NBAS: variants seen among roughly 807,000 people sequenced by gnomAD.
NBAS encodes NBAS subunit of NRZ tethering complex.
In NBAS, 219 loss-of-function variants were observed where a neutral mutation model predicts 302.5. That is an observed-to-expected ratio of 0.72 (90% CI 0.65 to 0.81). NBAS has a LOEUF of 0.81. NBAS is among the 30% of genes least tolerant of loss of function. The pLI is 0.00. For synonymous variants in NBAS, 1,118 were observed against 1,021.6 expected, an observed-to-expected ratio of 1.09 and a Z score of -1.80; for missense variants, 2,932 against 2,841.6, an observed-to-expected ratio of 1.03 and a Z score of -0.72.
chr2:14,966,470 A>G, the NBAS span, among the ~76,000 whole-genome samples: 2 of 152,210 alleles, frequency 1.3e-5, no homozygotes, highest in Non-Finnish European at 2.9e-5. Context: ...CAAGTCCGTC[A>G]GTCCCCCAGT....
At chr2:15,237,833 G>T (rs1667671959) in intron 45 of NBAS, among the ~76,000 whole-genome samples, 2 of 150,720 alleles carry the variant, frequency 1.3e-5, no homozygotes, top group South Asian at 4.2e-4. Context: ...GGAGTGCAGG[G>T]GCGTGATCTC....
chr2:14,894,268 CA>C, the NBAS span, among the ~76,000 whole-genome samples: 2 of 152,120 alleles, frequency 1.3e-5, no homozygotes, highest in Non-Finnish European at 2.9e-5. Flanking sequence ...ATCCAACAGG[CA>C]GGAGGCAGAG....
At chr2:15,198,879 C>G (rs1665740952) in intron 48 of NBAS, among the ~76,000 whole-genome samples, 2 of 152,114 alleles carry the variant, frequency 1.3e-5, no homozygotes, top group African/African-American at 4.8e-5. Context: ...GTAATCCCAG[C>G]ACTTTGGGAG....
chr2:15,090,662 A>G, the NBAS span, among the ~76,000 whole-genome samples: 1 of 152,210 alleles, frequency 6.6e-6, no homozygotes, highest in African/African-American at 2.4e-5. Context: ...GGCTGTAAAA[A>G]TCCTTATAGG....
the NBAS span, among the ~76,000 whole-genome samples, chr2:14,853,387 A>G: frequency 2.4e-5 from 2 of 84,194 alleles, no homozygotes; most frequent in East Asian, 5.9e-4. Flanking sequence ...ATCTCACACC[A>G]GTTAGAATGG....
chr2:14,957,419 A>T, the NBAS span, among the ~76,000 whole-genome samples: 1 of 152,200 alleles, frequency 6.6e-6, no homozygotes, highest in Non-Finnish European at 1.5e-5. Context: ...TAGCTTTAAC[A>T]TAGAATTTCC....
At chr2:14,947,921 T>C in the NBAS span, among the ~76,000 whole-genome samples, 2 of 152,112 alleles carry the variant, frequency 1.3e-5, no homozygotes, top group African/African-American at 2.4e-5. Context: ...TGTATCATTA[T>C]TATTGATTTG....
chr2:15,458,668 C>G (rs927593705), intron 21 of NBAS, among the ~76,000 whole-genome samples: 1 of 152,150 alleles, frequency 6.6e-6, no homozygotes, highest in African/African-American at 2.4e-5. Context: ...AAACTTTTCT[C>G]TTTATAAATT....
chr2:15,508,080 G>A (rs573249670), intron 10 of NBAS, among the ~76,000 whole-genome samples: 1 of 152,312 alleles, frequency 6.6e-6, no homozygotes, highest in Non-Finnish European at 1.5e-5. Flanking sequence ...TGTGAGGTAA[G>A]GGAAGGCTAT....
chr2:14,928,508 C>G, the NBAS span, among the ~76,000 whole-genome samples: 1 of 152,156 alleles, frequency 6.6e-6, no homozygotes, highest in East Asian at 1.9e-4. Context: ...AATATAAATA[C>G]ATAGTATATG....
At chr2:14,785,125 G>A in the NBAS span, among the ~76,000 whole-genome samples, 2 of 152,104 alleles carry the variant, frequency 1.3e-5, no homozygotes, top group Admixed American at 6.5e-5. Flanking sequence ...CTGTTTGTCT[G>A]TTATTGGTGT....
At chr2:15,445,075 A>T (rs1278560850) in intron 21 of NBAS, among the ~76,000 whole-genome samples, 1 of 151,760 alleles carries the variant, frequency 6.6e-6, no homozygotes, top group East Asian at 1.9e-4. Flanking sequence ...AACTAGTTCA[A>T]CCACTGTGGA....
At chr2:15,164,377 T>C (rs1030173025), downstream of NBAS, among the ~76,000 whole-genome samples, 1 of 152,240 alleles carries the variant, frequency 6.6e-6, no homozygotes, top group Non-Finnish European at 1.5e-5. Context: ...GGGTTTGCAT[T>C]GTGGTTCCAT....
the NBAS span, among the ~76,000 whole-genome samples, chr2:14,810,189 T>C: frequency 1.3e-5 from 2 of 152,176 alleles, no homozygotes; most frequent in African/African-American, 4.8e-5. Context: ...TGGGAGACTG[T>C]TGGGAAGGCA....
the NBAS span, among the ~76,000 whole-genome samples, chr2:14,916,932 C>A: frequency 6.6e-6 from 1 of 152,310 alleles, no homozygotes; most frequent in East Asian, 1.9e-4. Flanking sequence ...TCCTTGTCAT[C>A]TGTGAATAAC....
chr2:15,042,982 C>T, the NBAS span, among the ~76,000 whole-genome samples: 8 of 152,280 alleles, frequency 5.3e-5, no homozygotes, highest in African/African-American at 7.2e-5. Context: ...CATTAACAAG[C>T]GGCTGTGGCT....
chr2:14,779,540 G>A, the NBAS span, among the ~76,000 whole-genome samples: 2 of 152,110 alleles, frequency 1.3e-5, no homozygotes, highest in Admixed American at 1.3e-4. Context: ...CCACCAGGCT[G>A]GCTCCCACCC....
At chr2:15,233,913 C>G (rs183208232) in intron 46 of NBAS, among the ~76,000 whole-genome samples, 1 of 152,132 alleles carries the variant, frequency 6.6e-6, no homozygotes, top group Non-Finnish European at 1.5e-5. Context: ...ATCTTTTAGC[C>G]TAATTGTATT....
intron 44 of NBAS, among the ~76,000 whole-genome samples, chr2:15,269,237 C>T (rs1370941848): frequency 6.6e-6 from 1 of 152,188 alleles, no homozygotes; most frequent in East Asian, 1.9e-4. Flanking sequence ...ATATGTGAAA[C>T]ATATCAGTCT....
Sources: gnomAD v4.1 joint callset for allele counts (sites outside exome capture counted in the v4.1 genomes callset) on GRCh38, gnomAD v4.1.1 for gene constraint, MANE v1.5 for transcripts, NCBI Gene and HGNC (gene_info 2026-07-23, HGNC 2026-07-21) for gene names.